DHRS7C: variants seen among roughly 807,000 people sequenced by gnomAD.
DHRS7C encodes the protein dehydrogenase/reductase 7C, also known as dehydrogenase/reductase SDR family member 7C.
In DHRS7C, 28 loss-of-function variants were observed where a neutral mutation model predicts 29.6. The observed-to-expected ratio is 0.95, with a 90% CI of 0.70 to 1.30. DHRS7C has a LOEUF of 1.30. Ranked by LOEUF, DHRS7C falls within the 50% of genes most tolerant of loss-of-function variation. The pLI is 0.00. For missense variants in DHRS7C, 403 were observed against 393.3 expected (o/e 1.02, Z -0.21); for synonymous variants, 158 against 160.2 (o/e 0.99, Z 0.10).
chr17:9,783,967 A>T lies in DHRS7C; in HGVS notation c.155-2373T>A, dbSNP rs111262094. On this transcript the variant is annotated intron_variant, in intron 1 of 5. Coordinates refer to ENST00000571134, the MANE Select transcript of DHRS7C (RefSeq NM_001105571.3). The stretch of plus-strand genomic sequence containing the variant: ...TTTTTGTTTTTTTGTTTTTTTTTTT[A>T]AAATGGTATTTGAATACCTATCTGG... Among the ~76,000 whole-genome samples the T allele has an allele frequency of 2.1e-3, 273 of 130,054 alleles. 1 individual carries two copies. The highest frequency in any genetic ancestry group is 4.0e-3 in the African/African-American group (142 of 35,758). The allele number at this position is 130,054 out of a possible 152,430, so 85.3% of individuals were successfully genotyped here.
chr17:9,789,097 C>T lies in DHRS7C; in HGVS notation c.154+2034G>A, dbSNP rs879282033. Among the ~76,000 whole-genome samples, 8 of 152,240 alleles carry T rather than the reference C, an allele frequency of 5.3e-5. No homozygotes were observed. In the South Asian group the frequency reaches 6.2e-4, roughly 12 times the overall value. On this transcript the variant is annotated intron_variant, in intron 1 of 5. Coordinates refer to ENST00000571134, the MANE Select transcript of DHRS7C (RefSeq NM_001105571.3). ...ATTAAAACAAACACACATCTCTCAA[C>T]GATCAGTAAAACTGTATTTCTACCT...
In DHRS7C at chr17:9,771,580, C is replaced by T. The variant is rs1308907842; in HGVS notation, c.844G>A (p.Ala282Thr). ...VFMANPIPKA[A>T]VYVRTFFPEF... The stretch of plus-strand genomic sequence containing the variant: ...GGGAAGAAGGTGCGGACGTACACGG[C>T]GGCCTTGGGGATGGGGTTGGCCATA... The change falls in exon 6 of 6, where the codon GCC (alanine) becomes ACC (threonine). Residue 282 changes from alanine to threonine, a missense_variant. Physicochemically the swap from Ala to Thr is moderately conservative, Grantham distance 58. Transcript: ENST00000571134. 3.1e-6 allele frequency: 5 copies of T among 1,593,896 alleles called. No homozygotes were observed. The highest frequency in any genetic ancestry group is 4.6e-5 in the East Asian group (2 of 43,272).
At chr17:9,781,712 T>C in intron 1 of DHRS7C, 118 bp from the exon 2 acceptor site, 1 of 911,012 alleles carries the variant, frequency 1.1e-6, no homozygotes, top group Non-Finnish European at 1.7e-6. Flanking sequence ...CACCACGAGG[T>C]CCTTTAGGGG....
chr17:9,783,148 T>G (rs11655196), intron 1 of DHRS7C, among the ~76,000 whole-genome samples: 39,645 of 151,924 alleles, frequency 0.26, 5,192 homozygotes, highest in East Asian at 0.38. Flanking sequence ...CATGAGGCCT[T>G]AAAACAGGTG....
intron 5 of DHRS7C, 46 bp from the exon 6 acceptor site, chr17:9,771,742 C>A: frequency 2.2e-6 from 3 of 1,365,602 alleles, no homozygotes; most frequent in Non-Finnish European, 2.9e-6. Flanking sequence ...TCCGTGGGGA[C>A]CCGGCTGGTC....
At chr17:9,777,372 A>C in intron 3 of DHRS7C, 87 bp from the exon 4 acceptor site, 93 of 1,042,120 alleles carry the variant, frequency 8.9e-5, no homozygotes, top group Middle Eastern at 2.1e-4. Flanking sequence ...CGGTACCCTC[A>C]TCACAGGGCT....
intron 3 of DHRS7C, among the ~76,000 whole-genome samples, chr17:9,778,298 G>A (rs2066373941): frequency 6.6e-6 from 1 of 151,892 alleles, no homozygotes; most frequent in South Asian, 2.1e-4. Context: ...GGAGGCTGAG[G>A]CAGGAGAATT....
intron 1 of DHRS7C, among the ~76,000 whole-genome samples, chr17:9,789,514 C>G (rs936112697): frequency 2.6e-5 from 4 of 152,064 alleles, no homozygotes; most frequent in Admixed American, 6.6e-5. Flanking sequence ...CACCAGGAAG[C>G]CTGTATCTAG....
At chr17:9,777,057 A>C (rs1249046957) in intron 4 of DHRS7C, 136 bp downstream of exon 4, 1 of 692,930 alleles carries the variant, frequency 1.4e-6, no homozygotes, top group African/African-American at 1.8e-5. Flanking sequence ...ATAGGGATGA[A>C]AGAAAATCCA....
intron 4 of DHRS7C, among the ~76,000 whole-genome samples, chr17:9,776,886 C>G (rs17810028): frequency 0.25 from 37,565 of 152,078 alleles, 4,647 homozygotes; most frequent in East Asian, 0.34. Flanking sequence ...GTGCATCTTT[C>G]TCAGGAGCGT....
rs746791617 is a variant in DHRS7C at position 9,771,600 on chromosome 17, G to A, written c.824C>T (p.Ala275Val). ...CACGGCGGCCTTGGGGATGGGGTTG[G>A]CCATAAACACCTCTTGCTTCTTCCT... ...VRRKKQEVFM[A>V]NPIPKAAVYV... The change falls in exon 6 of 6, where the codon GCC becomes GTC. Residue 275 changes from alanine to valine, a missense_variant. Physicochemically the swap from Ala to Val is moderately conservative, Grantham distance 64. Coordinates refer to ENST00000571134, the MANE Select transcript of DHRS7C (RefSeq NM_001105571.3). The A allele has an allele frequency of 6.3e-7, 1 of 1,599,630 alleles. No homozygotes were observed. The highest frequency in any genetic ancestry group is 8.5e-7 in the Non-Finnish European group (1 of 1,172,360).
chr17:9,771,824 C>G, intron 5 of DHRS7C, 128 bp from the exon 6 acceptor site: 1 of 975,696 alleles, frequency 1.0e-6, no homozygotes. Flanking sequence ...GGTTCCAGGC[C>G]CCCTCCGCCA....
At chr17:9,772,951 G>A in intron 4 of DHRS7C, 29 bp from the exon 5 acceptor site, 3 of 1,610,586 alleles carry the variant, frequency 1.9e-6, no homozygotes, top group East Asian at 2.2e-5. Context: ...GGAGGTGGGC[G>A]CAGGACACTC....
At chr17:9,789,731 G>A (rs11078818) in intron 1 of DHRS7C, among the ~76,000 whole-genome samples, 19,228 of 152,236 alleles carry the variant, frequency 0.13, 1,331 homozygotes, top group Non-Finnish European at 0.17. Context: ...TGCGCTATTT[G>A]GAGAGCAAAT....
At chr17:9,777,924 T>C (rs781254202) in intron 3 of DHRS7C, among the ~76,000 whole-genome samples, 3 of 152,170 alleles carry the variant, frequency 2.0e-5, no homozygotes, top group Non-Finnish European at 4.4e-5. Flanking sequence ...TTCATGTTGG[T>C]TTTATACAGA....
chr17:9,773,307 A>C (rs2066342361), intron 4 of DHRS7C, among the ~76,000 whole-genome samples: 1 of 151,912 alleles, frequency 6.6e-6, no homozygotes, highest in Non-Finnish European at 1.5e-5. Flanking sequence ...GGGAAGGCTG[A>C]TGCCTAAGAA....
chr17:9,779,879 G>A lies in DHRS7C; in HGVS notation c.424C>T (p.Leu142Phe), dbSNP rs767032358. ...KGPAHKISLE[L>F]DKKIMDANYF... ...TTGGCATCCATGATCTTTTTGTCGA[G>A]CTCCAGAGAAATCTTATGGGCAGGC... The change falls in exon 3 of 6, where the codon CTC (leucine) becomes TTC (phenylalanine). Residue 142 changes from leucine to phenylalanine, a missense_variant. By Grantham distance (22) the Leu-to-Phe change is conservative (BLOSUM62 0). Coordinates refer to ENST00000571134, the MANE Select transcript of DHRS7C (RefSeq NM_001105571.3). The A allele has an allele frequency of 2.5e-6, 4 of 1,613,818 alleles. No individual in the cohort carries two copies. The highest frequency in any genetic ancestry group is 3.4e-6 in the Non-Finnish European group (4 of 1,179,830).
chr17:9,788,601 C>T (rs1377486998), intron 1 of DHRS7C, among the ~76,000 whole-genome samples: 1 of 152,172 alleles, frequency 6.6e-6, no homozygotes, highest in Non-Finnish European at 1.5e-5. Flanking sequence ...GGCTAGATGC[C>T]CCAGTCTTTG....
chr17:9,788,707 G>A (rs956607184), intron 1 of DHRS7C, among the ~76,000 whole-genome samples: 30 of 152,196 alleles, frequency 2.0e-4, no homozygotes, highest in African/African-American at 7.0e-4. Context: ...CGTGGCACCA[G>A]GGTGTGCAGC....
Sources: allele counts gnomAD v4.1 joint callset (sites outside exome capture counted in the v4.1 genomes callset), GRCh38; gene constraint gnomAD v4.1.1; transcripts MANE v1.5; gene names NCBI Gene and HGNC (gene_info 2026-07-23, HGNC 2026-07-21).